The following SYT9 variants were observed in gnomAD, a reference collection of about 807,000 sequenced individuals.
The protein encoded by SYT9 is synaptotagmin 9.
A neutral mutation model predicts 48.4 loss-of-function variants in SYT9; 22 were observed. The observed-to-expected ratio is 0.45, with a 90% CI of 0.32 to 0.65. SYT9 has a LOEUF of 0.65. Among genes scored for constraint, SYT9 ranks in the 30% least tolerant of loss-of-function variants. SYT9 has a pLI of 0.03. For missense variants in SYT9, 577 were observed against 622.0 expected (o/e 0.93, Z 0.77); for synonymous variants, 265 against 245.0 (o/e 1.08, Z -0.76).
intron 3 of SYT9, among the ~76,000 whole-genome samples, chr11:7,367,121 A>G (rs537156277): frequency 0.017 from 1,837 of 107,978 alleles, 70 homozygotes; most frequent in Middle Eastern, 0.071. Context: ...TCGCTCTGTC[A>G]CCCAGGCTGG....
chr11:7,300,790 AC>A (rs1450258600), intron 1 of SYT9, among the ~76,000 whole-genome samples: 1 of 152,082 alleles, frequency 6.6e-6, no homozygotes, highest in Non-Finnish European at 1.5e-5. Flanking sequence ...CAGCACTATC[AC>A]CCATCACAGA....
At chr11:7,311,934 TC>T (rs1386779547) in intron 2 of SYT9, among the ~76,000 whole-genome samples, 1 of 143,142 alleles carries the variant, frequency 7.0e-6, no homozygotes, top group Admixed American at 6.9e-5. Flanking sequence ...CTGCCTTCCC[TC>T]CCCCGCCCAC....
chr11:7,293,726 T>C (rs1848734692), intron 1 of SYT9, among the ~76,000 whole-genome samples: 1 of 152,116 alleles, frequency 6.6e-6, no homozygotes, highest in South Asian at 2.1e-4. Context: ...AAAATATAAA[T>C]GATGGCAAAG....
rs199651260 is a variant in SYT9 at position 7,330,066 on chromosome 11, T to TA, written c.1044+16134dup. Among the ~76,000 whole-genome samples the TA allele has an allele frequency of 4.5e-3, 676 of 151,646 alleles. 3 individuals are homozygous for TA. The highest frequency in any genetic ancestry group is 0.027 in the Middle Eastern group (8 of 294). On this transcript the variant is annotated intron_variant, in intron 3 of 6. Transcript: ENST00000318881. ...TAAGAGAAATTAAAACATGCTTATT[T>TA]AAAAAAAAACTCTCCATGAACCTAT...
In SYT9 at chr11:7,345,388, A is replaced by T. The variant is rs1313513010; in HGVS notation, c.1044+31447A>T. 2.0e-5 allele frequency among the ~76,000 whole-genome samples: 3 copies of T among 152,158 alleles called. No homozygotes were observed. The South Asian group carries it at 6.2e-4, about 32-fold the overall frequency. ...TTACCTGATGTCCAATCATTGTTTC[A>T]TATATTTTGTCCAGATTTTTAGTTG... is the stretch of plus-strand genomic sequence containing the variant. On this transcript the variant is annotated intron_variant, in intron 3 of 6. Coordinates refer to ENST00000318881, the MANE Select transcript of SYT9 (RefSeq NM_175733.4).
At chr11:7,298,589 A>G (rs1848855892) in intron 1 of SYT9, among the ~76,000 whole-genome samples, 1 of 151,374 alleles carries the variant, frequency 6.6e-6, no homozygotes, top group African/African-American at 2.4e-5. Context: ...TTTCTCATCC[A>G]TGTGAGTATG....
chr11:7,321,378 G>A (rs766339584), intron 3 of SYT9, among the ~76,000 whole-genome samples: 7 of 152,190 alleles, frequency 4.6e-5, no homozygotes, highest in Non-Finnish European at 8.8e-5. Context: ...CAGGCAGGGG[G>A]AATATAAGTA....
chr11:7,326,458 T>C (rs1255912930), intron 3 of SYT9, among the ~76,000 whole-genome samples: 14 of 140,446 alleles, frequency 1.0e-4, no homozygotes, highest in Non-Finnish European at 1.7e-4. Flanking sequence ...TCGGTGGTGA[T>C]ATCCCCTTTA....
chr11:7,268,390 C>G (rs144463383), intron 1 of SYT9, among the ~76,000 whole-genome samples: 8 of 151,912 alleles, frequency 5.3e-5, no homozygotes, highest in South Asian at 2.1e-4. Flanking sequence ...GGAAGGCATC[C>G]TAATTTACTT....
At chr11:7,319,978 T>C (rs1036410924) in intron 3 of SYT9, among the ~76,000 whole-genome samples, 1 of 152,252 alleles carries the variant, frequency 6.6e-6, no homozygotes, top group Non-Finnish European at 1.5e-5. Flanking sequence ...TGAAGGAGTT[T>C]CTGTGAGTAT....
At chr11:7,335,296 G>T (rs2133983244) in intron 3 of SYT9, among the ~76,000 whole-genome samples, 1 of 152,024 alleles carries the variant, frequency 6.6e-6, no homozygotes, top group Admixed American at 6.5e-5. Flanking sequence ...CAAAATCTTT[G>T]GTCAATTTTT....
intron 3 of SYT9, among the ~76,000 whole-genome samples, chr11:7,374,126 A>G (rs60383287): frequency 0.022 from 3,356 of 151,688 alleles, 119 homozygotes; most frequent in African/African-American, 0.078. Context: ...CTGTGCCCAT[A>G]TGTTCTCATT....
intron 2 of SYT9, among the ~76,000 whole-genome samples, chr11:7,310,746 T>C (rs1849118548): frequency 1.3e-5 from 2 of 151,932 alleles, no homozygotes; most frequent in Non-Finnish European, 2.9e-5. Context: ...GCACCCGGCT[T>C]GTGATTGGTT....
intron 1 of SYT9, among the ~76,000 whole-genome samples, chr11:7,271,588 GT>G (rs1417275427): frequency 1.3e-5 from 2 of 152,132 alleles, no homozygotes; most frequent in African/African-American, 4.8e-5. Flanking sequence ...GTTTTGTTTT[GT>G]TTTTTGAGAT....
chr11:7,436,893 T>A (rs1331831494), intron 6 of SYT9, among the ~76,000 whole-genome samples: 3 of 152,222 alleles, frequency 2.0e-5, no homozygotes, highest in South Asian at 4.1e-4. Context: ...GAGCAAATTA[T>A]CTCATCTCTC....
At chr11:7,290,788 T>C (rs1848685113) in intron 1 of SYT9, among the ~76,000 whole-genome samples, 1 of 152,152 alleles carries the variant, frequency 6.6e-6, no homozygotes, top group Admixed American at 6.5e-5. Flanking sequence ...CCCCTTAATA[T>C]ATAAAAGCTC....
chr11:7,453,002 G>C (rs1309007984), intron 6 of SYT9, among the ~76,000 whole-genome samples: 1 of 151,966 alleles, frequency 6.6e-6, no homozygotes, highest in South Asian at 2.1e-4. Flanking sequence ...GGCTGCTCCC[G>C]AACTCCCGAC....
chr11:7,382,105 T>G (rs1184683113), intron 3 of SYT9, among the ~76,000 whole-genome samples: 1 of 152,206 alleles, frequency 6.6e-6, no homozygotes, highest in East Asian at 1.9e-4. Flanking sequence ...TGAGGATATG[T>G]AAACAAGCAA....
At chr11:7,346,083 A>G (rs1330651509) in intron 3 of SYT9, among the ~76,000 whole-genome samples, 2 of 152,208 alleles carry the variant, frequency 1.3e-5, no homozygotes, top group Non-Finnish European at 2.9e-5. Context: ...CGGCAAAGTC[A>G]TTGGTGGCTT....
Sources: allele counts gnomAD v4.1 joint callset (sites outside exome capture counted in the v4.1 genomes callset), GRCh38; gene constraint gnomAD v4.1.1; transcripts MANE v1.5; gene names NCBI Gene and HGNC (gene_info 2026-07-23, HGNC 2026-07-21).